The following LRP1B variants were observed in gnomAD, a reference collection of about 807,000 sequenced individuals.
LRP1B encodes low-density lipoprotein receptor-related protein 1B.
A neutral mutation model predicts 556.6 loss-of-function variants in LRP1B; 217 were observed. The observed-to-expected ratio is 0.39, with a 90% confidence interval of 0.35 to 0.44. The LOEUF is 0.44. Among genes scored for constraint, LRP1B ranks in the 20% least tolerant of loss-of-function variants. The probability of loss-of-function intolerance (pLI) is 1.00; values close to 1 mark genes in which losing one functional copy is unlikely to be tolerated. For synonymous variants in LRP1B, 2,047 were observed against 1,865.8 expected (o/e 1.10, Z -2.50); for missense variants, 5,053 against 5,620.8 (o/e 0.90, Z 3.23).
At chr2:140,992,346 G>A (rs1230463783) in intron 16 of LRP1B, among the ~76,000 whole-genome samples, 2 of 152,030 alleles carry the variant, frequency 1.3e-5, no homozygotes, top group African/African-American at 4.8e-5. Flanking sequence ...CAGTACAAAT[G>A]CAATGCTTCT....
intron 1 of LRP1B, among the ~76,000 whole-genome samples, chr2:142,076,697 A>G (rs1705515189): frequency 6.6e-6 from 1 of 152,114 alleles, no homozygotes; most frequent in Admixed American, 6.6e-5. Context: ...GTTGGATTTC[A>G]TCACATAAAT....
At chr2:140,688,509 T>C (rs1462850645) in intron 41 of LRP1B, among the ~76,000 whole-genome samples, 1 of 152,128 alleles carries the variant, frequency 6.6e-6, no homozygotes, top group Non-Finnish European at 1.5e-5. Flanking sequence ...CATAGTTTAA[T>C]GTATTATTTA....
At chr2:140,325,241 G>A (rs756118378) in intron 80 of LRP1B, among the ~76,000 whole-genome samples, 20 of 152,170 alleles carry the variant, frequency 1.3e-4, no homozygotes, top group Non-Finnish European at 2.4e-4. Flanking sequence ...AGATAGGTGG[G>A]CATAAAACCG....
In LRP1B at chr2:140,523,493, T is replaced by C. The variant is rs751781674; in HGVS notation, c.8026+2351A>G. Among the ~76,000 whole-genome samples, 77 of 151,836 alleles carry C rather than the reference T, an allele frequency of 5.1e-4. 2 individuals are homozygous for C. The highest frequency in any genetic ancestry group is 3.3e-4 in the Admixed American group (5 of 15,176). ...TCTGGAACAAAACAAGGATGCTCACTCTCACCACTCCTTTTCAACATAGTA... is the reference window on the plus strand; with the variant it reads ...TCTGGAACAAAACAAGGATGCTCACCCTCACCACTCCTTTTCAACATAGTA... On this transcript the variant is annotated intron_variant, in intron 49 of 90. Coordinates refer to ENST00000389484, the MANE Select transcript of LRP1B (RefSeq NM_018557.3).
At chr2:141,413,496 G>A (rs562709634) in intron 3 of LRP1B, among the ~76,000 whole-genome samples, 20 of 152,254 alleles carry the variant, frequency 1.3e-4, no homozygotes, top group Non-Finnish European at 2.5e-4. Context: ...AATGCAGCCC[G>A]GCCAACACCA....
intron 31 of LRP1B, among the ~76,000 whole-genome samples, chr2:140,817,419 A>C (rs1269056223): frequency 2.6e-5 from 4 of 151,924 alleles, no homozygotes; most frequent in African/African-American, 9.7e-5. Flanking sequence ...AATACAGCTA[A>C]TCCATATGCT....
At chr2:141,198,962 A>G (rs866498210) in intron 6 of LRP1B, among the ~76,000 whole-genome samples, 1 of 152,134 alleles carries the variant, frequency 6.6e-6, no homozygotes, top group South Asian at 2.1e-4. Flanking sequence ...TTTAGACACT[A>G]TCTTATCTCT....
At position 140,604,228 on chromosome 2, in the gene LRP1B, G is replaced by GA. The variant is rs67568538; in HGVS notation, c.6800-2590dup. Among the ~76,000 whole-genome samples the GA allele has an allele frequency of 1.8e-3, 247 of 136,710 alleles. 1 individual carries two copies. Among genetic ancestry groups the GA allele is most frequent in the African/African-American group, 3.3e-3 (124 of 37,532 alleles). 89.7% of individuals were successfully genotyped at this position (136,710 alleles called of 152,430 possible). ...TCTCCTTACCTCATGCACTTGCCAA[G>GA]AAAAAAAAAAAAAAAGAGTTTTCTT... On this transcript the variant is annotated intron_variant, in intron 41 of 90. Transcript: ENST00000389484.
intron 86 of LRP1B, among the ~76,000 whole-genome samples, chr2:140,249,970 G>T (rs1183128190): frequency 2.0e-5 from 3 of 151,816 alleles, no homozygotes; most frequent in Non-Finnish European, 2.9e-5. Flanking sequence ...GCATAACCAT[G>T]CTGACTATAA....
At chr2:141,484,445 G>A (rs890897466) in intron 2 of LRP1B, among the ~76,000 whole-genome samples, 1 of 151,614 alleles carries the variant, frequency 6.6e-6, no homozygotes, top group African/African-American at 2.4e-5. Flanking sequence ...TGGTGATGTG[G>A]GTTCTTTTTT....
chr2:140,839,959 A>G, intron 31 of LRP1B, 32 bp downstream of exon 31: 2 of 1,365,192 alleles, frequency 1.5e-6, no homozygotes, highest in South Asian at 1.2e-5. Flanking sequence ...TGTCACATTG[A>G]AAACTTGGTG....
rs1240838840 is a variant in LRP1B, at chr2:141,544,349, C to CTT, written c.206-63818_206-63817dup. Among the ~76,000 whole-genome samples, 318 of 85,848 alleles carry CTT rather than the reference C, an allele frequency of 3.7e-3. 8 individuals carry two copies. Among genetic ancestry groups the CTT allele is most frequent in the Middle Eastern group, 6.7e-3 (1 of 150 alleles). The allele number at this position is 85,848 out of a possible 152,430, so 56.3% of individuals were successfully genotyped here. A position where few individuals can be genotyped will look rare whatever the true frequency, so the allele number is the denominator to read the frequency against. On this transcript the variant is annotated intron_variant, in intron 2 of 90. Coordinates refer to ENST00000389484, the MANE Select transcript of LRP1B (RefSeq NM_018557.3). ...TCTTCTTCTTCTTCTTCTTCTTCTT[C>CTT]TTCTTCTTCTTCTTCTTCTTCTTCT...
intron 59 of LRP1B, among the ~76,000 whole-genome samples, chr2:140,476,864 C>T (rs16844091): frequency 0.057 from 8,672 of 151,952 alleles, 312 homozygotes; most frequent in African/African-American, 0.081. Context: ...AGGGCAATAC[C>T]GGAATTCCTC....
chr2:140,685,445 G>A (rs1158452125), intron 41 of LRP1B, among the ~76,000 whole-genome samples: 2 of 152,108 alleles, frequency 1.3e-5, no homozygotes, highest in African/African-American at 4.8e-5. Flanking sequence ...GGAAAACTGA[G>A]GCAAGGAGAA....
At chr2:140,282,666 C>A (rs1056526541) in intron 84 of LRP1B, among the ~76,000 whole-genome samples, 1 of 151,670 alleles carries the variant, frequency 6.6e-6, no homozygotes, top group African/African-American at 2.4e-5. Flanking sequence ...GAAGTCTGCA[C>A]GATAATGACA....
intron 90 of LRP1B, among the ~76,000 whole-genome samples, chr2:140,234,084 T>C (rs1680587308): frequency 1.3e-5 from 2 of 151,310 alleles, no homozygotes; most frequent in African/African-American, 4.8e-5. Flanking sequence ...TGTTTCGTCT[T>C]TCCAAAAACA....
At chr2:140,295,483 T>C (rs967512583) in intron 84 of LRP1B, among the ~76,000 whole-genome samples, 1 of 152,188 alleles carries the variant, frequency 6.6e-6, no homozygotes, top group Non-Finnish European at 1.5e-5. Flanking sequence ...GATTATAGCT[T>C]GACTCTGTGC....
intron 43 of LRP1B, among the ~76,000 whole-genome samples, chr2:140,554,201 T>C (rs1680647328): frequency 6.6e-6 from 1 of 152,058 alleles, no homozygotes; most frequent in Admixed American, 6.6e-5. Context: ...AGAGAAAAGG[T>C]AAAATATTGC....
intron 13 of LRP1B, among the ~76,000 whole-genome samples, chr2:141,015,377 A>G (rs1002584191): frequency 2.0e-4 from 31 of 152,100 alleles, no homozygotes; most frequent in Non-Finnish European, 3.5e-4. Flanking sequence ...ACATATTTTA[A>G]TAGAGTGGGG....
Sources: allele counts gnomAD v4.1 joint callset (sites outside exome capture counted in the v4.1 genomes callset), GRCh38; gene constraint gnomAD v4.1.1; transcripts MANE v1.5; gene names NCBI Gene and HGNC (gene_info 2026-07-23, HGNC 2026-07-21).